Variants in CFAP100 observed in about 807,000 individuals in gnomAD.
The protein encoded by CFAP100 is cilia and flagella associated protein 100.
A neutral mutation model predicts 81.5 loss-of-function variants in CFAP100; 70 were observed. The ratio of observed to expected loss-of-function variants is 0.86; its 90% confidence interval spans 0.71 to 1.05. The LOEUF is 1.05. CFAP100 is among the 50% of genes least tolerant of loss of function. The pLI is 0.00. For synonymous variants in CFAP100, 341 were observed against 314.8 expected (o/e 1.08, Z -0.88); for missense variants, 811 against 776.5 (o/e 1.04, Z -0.53).
intron 2 of CFAP100, among the ~76,000 whole-genome samples, chr3:126,406,171 T>G (rs898288799): frequency 2.0e-5 from 3 of 152,184 alleles, no homozygotes; most frequent in African/African-American, 7.2e-5. Context: ...CTATACATTA[T>G]GGATTCTGTG....
intron 3 of CFAP100, among the ~76,000 whole-genome samples, chr3:126,413,552 C>A (rs76527299): frequency 0.046 from 6,955 of 152,294 alleles, 239 homozygotes; most frequent in Middle Eastern, 0.12. Context: ...GGACAAGAGT[C>A]CACCCTGCAA....
At position 126,418,676 on chromosome 3, in the gene CFAP100, C is replaced by G. The variant is rs1442818210; in HGVS notation, c.552C>G (p.Ala184=). 6.3e-7 allele frequency: 1 copy of G among 1,581,000 alleles called. No individual in the cohort carries two copies. The highest frequency in any genetic ancestry group is 1.9e-5 in the Admixed American group (1 of 52,682). The change falls in exon 7 of 17, where the codon GCC becomes GCG. Residue 184 remains alanine (A), a synonymous_variant. Transcript: ENST00000352312. The part of the protein sequence containing the change: ...RLETLATKEE[A]RLERAEKSLE... ...AGACGCTGGCGACCAAAGAGGAGGCCAGGCTGGAGCGGGCCGAGAAATCCC... is the reference window on the plus strand; with the variant it reads ...AGACGCTGGCGACCAAAGAGGAGGCGAGGCTGGAGCGGGCCGAGAAATCCC...
At chr3:126,403,187 A>C (rs114539088) in intron 2 of CFAP100, among the ~76,000 whole-genome samples, 4,149 of 152,106 alleles carry the variant, frequency 0.027, 195 homozygotes, top group African/African-American at 0.095. Context: ...GGAGGCCCAG[A>C]GGTCAGGAGA....
At chr3:126,434,144 C>T (rs1270644452) in intron 14 of CFAP100, 32 bp from the exon 15 acceptor site, 1 of 1,581,054 alleles carries the variant, frequency 6.3e-7, no homozygotes, top group South Asian at 1.1e-5. Context: ...TTCCGCCTGC[C>T]AGCACCCTGC....
intron 3 of CFAP100, among the ~76,000 whole-genome samples, chr3:126,409,962 A>G (rs1164714928): frequency 6.6e-6 from 1 of 152,144 alleles, no homozygotes; most frequent in Non-Finnish European, 1.5e-5. Flanking sequence ...GCACTTTGGG[A>G]GGCCGAGGCG....
intron 13 of CFAP100, 111 bp downstream of exon 13, chr3:126,423,755 C>T (rs13085009): frequency 0.073 from 97,717 of 1,332,826 alleles, 4,050 homozygotes; most frequent in African/African-American, 0.094. Context: ...GTGGCCCTGG[C>T]CTGGTCCAGG....
At chr3:126,415,219 C>T (rs928303070) in intron 4 of CFAP100, among the ~76,000 whole-genome samples, 6 of 152,072 alleles carry the variant, frequency 3.9e-5, no homozygotes, top group Non-Finnish European at 5.9e-5. Flanking sequence ...GGTCACCAAA[C>T]GCCATCTTCA....
intron 2 of CFAP100, among the ~76,000 whole-genome samples, chr3:126,405,085 GACC>G (rs72155976): frequency 0.047 from 7,172 of 152,106 alleles, 260 homozygotes; most frequent in African/African-American, 0.092. Context: ...ACTGCTGTGC[GACC>G]ACCACCATCC....
intron 3 of CFAP100, among the ~76,000 whole-genome samples, chr3:126,408,022 C>A (rs1469853477): frequency 2.0e-5 from 3 of 152,188 alleles, no homozygotes; most frequent in East Asian, 1.9e-4. Flanking sequence ...ATGGCCCAGG[C>A]TCCCACCCCT....
chr3:126,398,615 G>C (rs2082925615), intron 2 of CFAP100, among the ~76,000 whole-genome samples: 1 of 152,216 alleles, frequency 6.6e-6, no homozygotes, highest in South Asian at 2.1e-4. Flanking sequence ...CCCCCTGCCA[G>C]TTCTGGCTAT....
At chr3:126,406,141 G>A (rs562594844) in intron 2 of CFAP100, among the ~76,000 whole-genome samples, 31 of 152,156 alleles carry the variant, frequency 2.0e-4, no homozygotes, top group African/African-American at 6.7e-4. Context: ...CACCTCTCCC[G>A]ACCGCCTCTG....
chr3:126,421,105 C>T (rs989051906), intron 11 of CFAP100, among the ~76,000 whole-genome samples: 64 of 152,152 alleles, frequency 4.2e-4, no homozygotes, highest in African/African-American at 1.5e-3. Flanking sequence ...CAGGTTCAAG[C>T]GATTCTCTTG....
rs1478490332 is a variant in CFAP100, at chr3:126,434,152, TGCTG to T, written c.1423-22_1423-19del. On this transcript the variant is annotated intron_variant, in intron 14 of 16. Coordinates refer to ENST00000352312, the MANE Select transcript of CFAP100 (RefSeq NM_182628.3). ...GGTGGGTTTCCGCCTGCCAGCACCC[TGCTG>T]GAAGCCACCTCCTCCACAGGATAAG... 6.3e-7 allele frequency: 1 copy of T among 1,588,056 alleles called. No homozygotes were observed. The highest frequency in any genetic ancestry group is 8.6e-7 in the Non-Finnish European group (1 of 1,162,704).
At chr3:126,425,602 C>A (rs9880174) in intron 13 of CFAP100, among the ~76,000 whole-genome samples, 9,460 of 152,168 alleles carry the variant, frequency 0.062, 407 homozygotes, top group African/African-American at 0.11. Context: ...CAAAACTAGA[C>A]AAAGGCATTA....
chr3:126,436,330 C>T lies in CFAP100; in HGVS notation c.1762C>T (p.His588Tyr), dbSNP rs764449882. The change falls in exon 17 of 17, where the codon CAC becomes TAC. Residue 588 changes from histidine to tyrosine, a missense_variant. By Grantham distance (83) the His-to-Tyr change is moderately conservative. Transcript: ENST00000352312. ...TLVCRSRPPA[H>Y]RIKQQSEHTL... is the part of the protein sequence containing the mutation. ...GGTATGCCGCTCACGACCCCCAGCC[C>T]ACAGGATCAAACAACAGTCTGAGCA... The T allele has an allele frequency of 1.9e-6, 3 of 1,614,078 alleles. No individual in the cohort carries two copies. The highest frequency in any genetic ancestry group is 2.5e-6 in the Non-Finnish European group (3 of 1,179,954).
chr3:126,417,636 G>A (rs73206898), intron 5 of CFAP100, among the ~76,000 whole-genome samples: 39,328 of 152,184 alleles, frequency 0.26, 5,120 homozygotes, highest in East Asian at 0.37. Flanking sequence ...TGACTGGGGA[G>A]GCGGGACTAT....
At chr3:126,435,149 G>C (rs1210771835) in intron 15 of CFAP100, among the ~76,000 whole-genome samples, 3 of 152,186 alleles carry the variant, frequency 2.0e-5, no homozygotes, top group African/African-American at 4.8e-5. Flanking sequence ...TGATGACTGA[G>C]AGTATATATA....
rs770715877 is a variant in CFAP100, at chr3:126,434,367, G to A, written c.1614G>A (p.Lys538=). Residue 538 remains lysine, a synonymous_variant, in exon 15 of 17, where the codon AAG becomes AAA. Coordinates refer to ENST00000352312, the MANE Select transcript of CFAP100 (RefSeq NM_182628.3). ...AGCAGGCCGAGAGGGCAAAGGAGAA[G>A]GAGCGGCGCATCAGGTGAGCTCTAG... ...KIEQAERAKE[K]ERRIRLREEK... The A allele has an allele frequency of 9.9e-5, 160 of 1,613,422 alleles. No homozygotes were observed. The highest frequency in any genetic ancestry group is 4.5e-5 in the Non-Finnish European group (53 of 1,179,844).
intron 4 of CFAP100, among the ~76,000 whole-genome samples, chr3:126,415,567 A>T (rs1162552609): frequency 1.3e-5 from 2 of 152,118 alleles, no homozygotes; most frequent in Non-Finnish European, 2.9e-5. Flanking sequence ...CAGGGGCCTC[A>T]GGCTGGACCC....
Sources: allele counts gnomAD v4.1 joint callset (sites outside exome capture counted in the v4.1 genomes callset), GRCh38; gene constraint gnomAD v4.1.1; transcripts MANE v1.5; gene names NCBI Gene and HGNC (gene_info 2026-07-23, HGNC 2026-07-21).